The following TANC2 variants were observed in gnomAD, a reference collection of about 807,000 sequenced individuals.
The protein encoded by TANC2 is protein TANC2.
TANC2 carries 26 observed loss-of-function variants against 210.5 expected under a neutral mutation model. The ratio of observed to expected loss-of-function variants is 0.12; its 90% CI spans 0.09 to 0.17. TANC2 has a LOEUF of 0.17. Among genes scored for constraint, TANC2 ranks in the 10% least tolerant of loss-of-function variants. The pLI is 1.00. For synonymous variants in TANC2, 931 were observed against 967.1 expected, an observed-to-expected ratio of 0.96 and a Z score of 0.69; for missense variants, 2,129 against 2,608.9, an observed-to-expected ratio of 0.82 and a Z score of 4.01.
intron 1 of TANC2, among the ~76,000 whole-genome samples, chr17:63,002,647 G>A (rs1243873150): frequency 6.6e-6 from 1 of 152,118 alleles, no homozygotes; most frequent in Admixed American, 6.5e-5. Flanking sequence ...CCATTTCTAA[G>A]TTGATCCCCA....
intron 4 of TANC2, among the ~76,000 whole-genome samples, chr17:63,138,858 G>T (rs1357426532): frequency 2.0e-5 from 3 of 152,198 alleles, no homozygotes; most frequent in Non-Finnish European, 4.4e-5. Flanking sequence ...TACCACACTT[G>T]TCTAAGTTAC....
chr17:63,319,428 T>C (rs2045424385), intron 11 of TANC2, among the ~76,000 whole-genome samples: 1 of 152,212 alleles, frequency 6.6e-6, no homozygotes, highest in Non-Finnish European at 1.5e-5. Flanking sequence ...CACTGCAGCC[T>C]CCACTTCCCA....
chr17:62,982,975 A>G (rs1254383145), intron 1 of TANC2, among the ~76,000 whole-genome samples: 1 of 151,928 alleles, frequency 6.6e-6, no homozygotes, highest in Non-Finnish European at 1.5e-5. Context: ...GAATTTTAGG[A>G]TTTCTTTTTC....
At chr17:63,316,924 G>A (rs1304886700) in intron 10 of TANC2, among the ~76,000 whole-genome samples, 1 of 151,482 alleles carries the variant, frequency 6.6e-6, no homozygotes, top group Non-Finnish European at 1.5e-5. Context: ...TGGAGGGTTG[G>A]CTTAATTTTT....
intron 2 of TANC2, among the ~76,000 whole-genome samples, chr17:63,014,864 G>A (rs2034034549): frequency 1.3e-5 from 2 of 152,010 alleles, no homozygotes; most frequent in Non-Finnish European, 2.9e-5. Context: ...TTACAATTTA[G>A]AATTATTATA....
At chr17:63,393,481 A>C (rs891748941) in intron 17 of TANC2, 1 of 152,158 alleles carries the variant, frequency 6.6e-6, no homozygotes, top group Non-Finnish European at 1.5e-5. Flanking sequence ...AATGTTCTTC[A>C]TTATTTCAGA....
At chr17:63,317,415 C>A (rs890548011) in intron 10 of TANC2, among the ~76,000 whole-genome samples, 2 of 151,846 alleles carry the variant, frequency 1.3e-5, no homozygotes, top group African/African-American at 4.8e-5. Context: ...CTGACACCCC[C>A]ATCAGTCTCC....
intron 2 of TANC2, among the ~76,000 whole-genome samples, chr17:63,063,752 GT>G (rs1305157637): frequency 6.6e-6 from 1 of 150,800 alleles, no homozygotes; most frequent in African/African-American, 2.5e-5. Flanking sequence ...TGTAATTCTT[GT>G]TCCTGGGTAG....
At chr17:63,332,652 T>C (rs1043307958) in intron 11 of TANC2, 1 of 193,712 alleles carries the variant, frequency 5.2e-6, no homozygotes, top group African/African-American at 2.4e-5. Context: ...AGAGCAATGA[T>C]AGATTCTTAA....
At chr17:63,212,944 A>G (rs1453508151) in intron 7 of TANC2, among the ~76,000 whole-genome samples, 1 of 152,200 alleles carries the variant, frequency 6.6e-6, no homozygotes, top group Non-Finnish European at 1.5e-5. Context: ...GCTCATTTTT[A>G]ATTTATGAGA....
chr17:63,361,540 C>T (rs1160689248), intron 14 of TANC2, among the ~76,000 whole-genome samples: 1 of 152,246 alleles, frequency 6.6e-6, no homozygotes, highest in Non-Finnish European at 1.5e-5. Context: ...CAGGCAACCA[C>T]GTCTGGACAA....
At chr17:63,354,834 G>A (rs1417474251) in exon 14 of TANC2, 3 of 1,607,156 alleles carry the variant, frequency 1.9e-6, no homozygotes, top group African/African-American at 2.7e-5. Context: ...TCGACTAGAA[G>A]AGAATGAAGC....
At position 63,211,497 on chromosome 17, in the gene TANC2, C is replaced by T. The variant is rs56285182; in HGVS notation, c.769+10540C>T. 1.2e-3 allele frequency among the ~76,000 whole-genome samples: 184 copies of T among 151,938 alleles called. 2 individuals are homozygous for T. Among genetic ancestry groups the T allele is most frequent in the African/African-American group, 4.3e-3 (178 of 41,426 alleles). ...AACATTAGAGGAGATAATAGATTAT[C>T]TCCTCTAATCTTTTATCGTAAATCC... On this transcript the variant is annotated intron_variant, in intron 7 of 27. Transcript: ENST00000689528.
In TANC2 at chr17:63,415,635, TCTC is replaced by T. The variant is rs780590274; in HGVS notation, c.4135_4137del (p.Leu1379del). The T allele has an allele frequency of 1.9e-6, 3 of 1,613,154 alleles. No homozygotes were observed. Among genetic ancestry groups the T allele is most frequent in the African/African-American group, 1.3e-5 (1 of 74,668 alleles). The stretch of plus-strand genomic sequence containing the variant: ...AAACTTTCCGGGAACTAAAGGTGTC[TCTC>T]CTCCTCAACCTCTCTCGGTGTCGCA... On this transcript the variant is annotated inframe_deletion, in exon 26 of 28. Transcript: ENST00000689528.
intron 9 of TANC2, among the ~76,000 whole-genome samples, chr17:63,311,512 A>G (rs1206428071): frequency 6.6e-6 from 1 of 152,212 alleles, no homozygotes; most frequent in African/African-American, 2.4e-5. Flanking sequence ...ACTATCCCTC[A>G]GTTTTCTATA....
chr17:63,087,547 C>T (rs2037020287), intron 3 of TANC2, among the ~76,000 whole-genome samples: 1 of 152,066 alleles, frequency 6.6e-6, no homozygotes, highest in East Asian at 1.9e-4. Flanking sequence ...AAAATAATTT[C>T]TCCTGATGGT....
chr17:63,400,846 T>TA (rs1421452593), intron 19 of TANC2, among the ~76,000 whole-genome samples: 6 of 150,986 alleles, frequency 4.0e-5, no homozygotes, highest in African/African-American at 1.5e-4. Flanking sequence ...AAAGATGGGG[T>TA]TTCACCATGT....
chr17:63,026,770 ATTACTC>A (rs1165643695), intron 2 of TANC2, among the ~76,000 whole-genome samples: 6 of 152,116 alleles, frequency 3.9e-5, no homozygotes, highest in Admixed American at 6.6e-5. Flanking sequence ...TTCTTTGTAA[ATTACTC>A]TTATTCCAAC....
At chr17:63,108,245 T>C (rs968316857) in intron 4 of TANC2, among the ~76,000 whole-genome samples, 2 of 151,754 alleles carry the variant, frequency 1.3e-5, no homozygotes, top group Non-Finnish European at 2.9e-5. Context: ...GCAATTAAAC[T>C]TAACTCATTA....
Sources: allele counts gnomAD v4.1 joint callset (sites outside exome capture counted in the v4.1 genomes callset), GRCh38; gene constraint gnomAD v4.1.1; transcripts MANE v1.5; gene names NCBI Gene and HGNC (gene_info 2026-07-23, HGNC 2026-07-21).